ARSG: variants seen among roughly 807,000 people sequenced by gnomAD.
ARSG encodes arylsulfatase G, also known as ASG.
Under a neutral mutation model 50.5 loss-of-function variants are expected in ARSG, and 37 were observed. The observed-to-expected ratio is 0.73, with a 90% confidence interval of 0.56 to 0.96. ARSG has a LOEUF of 0.96. ARSG is among the 50% of genes least tolerant of loss of function. The pLI is 0.00. For missense variants in ARSG, 629 were observed against 675.3 expected (o/e 0.93, Z 0.76); for synonymous variants, 225 against 254.6 (o/e 0.88, Z 1.11).
intron 1 of ARSG, among the ~76,000 whole-genome samples, chr17:68,286,378 A>G (rs1482860902): frequency 2.0e-5 from 3 of 152,192 alleles, no homozygotes; most frequent in African/African-American, 7.2e-5. Flanking sequence ...TTTTTGTAAA[A>G]TCTTACTCAT....
At chr17:68,439,185 T>A in the ARSG span, among the ~76,000 whole-genome samples, 2 of 152,200 alleles carry the variant, frequency 1.3e-5, no homozygotes, top group Admixed American at 1.3e-4. Flanking sequence ...TGTATATGAA[T>A]GTTCATGGCA....
chr17:68,420,753 C>T lies in ARSG; in HGVS notation c.*290C>T, dbSNP rs887782167. On this transcript the variant is annotated 3_prime_UTR_variant, in exon 12 of 12. Transcript: ENST00000621439. ...TTTTGAACTTGGGCAATTGTTTAAC[C>T]TAACCTGCAAGTTGATTTTGAGGGT... The T allele has an allele frequency of 2.4e-6, 1 of 419,214 alleles. No homozygotes were observed. Among genetic ancestry groups the T allele is most frequent in the Non-Finnish European group, 4.3e-6 (1 of 234,394 alleles). The allele number at this position is 419,214 out of a possible 1,614,324, so 26.0% of individuals were successfully genotyped here. A position where few individuals can be genotyped will look rare whatever the true frequency, so the allele number is the denominator to read the frequency against.
At chr17:68,380,483 G>C (rs2080380513) in intron 8 of ARSG, among the ~76,000 whole-genome samples, 1 of 152,046 alleles carries the variant, frequency 6.6e-6, no homozygotes. Flanking sequence ...TGCCCAGTCT[G>C]GTCTCGGACT....
the ARSG span, chr17:68,434,755 A>T: frequency 1.2e-6 from 1 of 843,100 alleles, no homozygotes; most frequent in South Asian, 1.7e-5. Flanking sequence ...CACGTTGAGC[A>T]TAGAGGCATG....
At chr17:68,361,088 G>A (rs2146569010) in intron 6 of ARSG, among the ~76,000 whole-genome samples, 1 of 152,282 alleles carries the variant, frequency 6.6e-6, no homozygotes, top group African/African-American at 2.4e-5. Context: ...GCCTCCCAAA[G>A]TGCTGGGATT....
chr17:68,278,227 A>G, intron 1 of ARSG: 1 of 1,614,240 alleles, frequency 6.2e-7, no homozygotes, highest in Non-Finnish European at 8.5e-7. Flanking sequence ...TCAACGAAGA[A>G]AAATGAAACA....
chr17:68,330,978 CGGG>C (rs34615975), intron 2 of ARSG, among the ~76,000 whole-genome samples: 5 of 65,790 alleles, frequency 7.6e-5, no homozygotes, highest in Admixed American at 4.1e-4. Context: ...TTTTTTTTTG[CGGG>C]GGGGGGGGGA....
At chr17:68,418,623 A>G (rs1399032575) in intron 11 of ARSG, among the ~76,000 whole-genome samples, 1 of 152,204 alleles carries the variant, frequency 6.6e-6, no homozygotes, top group African/African-American at 2.4e-5. Flanking sequence ...CTTTGCCCCT[A>G]TAGACTTCCT....
chr17:68,401,085 A>G (rs2081449932), intron 10 of ARSG: 1 of 367,840 alleles, frequency 2.7e-6, no homozygotes. Flanking sequence ...GTGCAGTGGT[A>G]TGATCATAGC....
intron 2 of ARSG, among the ~76,000 whole-genome samples, chr17:68,333,558 G>A (rs1382496704): frequency 6.6e-6 from 1 of 151,748 alleles, no homozygotes; most frequent in South Asian, 2.1e-4. Context: ...AACTCGGGAG[G>A]TGGAGGTTGC....
At chr17:68,310,870 C>T (rs2076826072) in intron 2 of ARSG, among the ~76,000 whole-genome samples, 1 of 152,132 alleles carries the variant, frequency 6.6e-6, no homozygotes. Context: ...ATTTTTTAGC[C>T]CTAAGGATAA....
upstream of ARSG, among the ~76,000 whole-genome samples, chr17:68,288,128 T>C (rs1403256409): frequency 8.6e-5 from 13 of 151,530 alleles, no homozygotes; most frequent in African/African-American, 2.9e-4. Flanking sequence ...TCCTGAGTAG[T>C]TGGGATTAAA....
intron 5 of ARSG, 82 bp downstream of exon 5, chr17:68,351,768 G>A: frequency 1.1e-6 from 1 of 889,872 alleles, no homozygotes; most frequent in Admixed American, 1.8e-5. Flanking sequence ...ATAAATTAAA[G>A]ATGCAGACAG....
intron 7 of ARSG, 123 bp from the exon 8 acceptor site, chr17:68,370,321 G>A (rs1320773874): frequency 1.3e-6 from 1 of 787,884 alleles, no homozygotes; most frequent in African/African-American, 1.7e-5. Flanking sequence ...GCCCATGTTT[G>A]TCTTTATAAG....
At chr17:68,425,512 C>A (rs1396593901), downstream of ARSG, among the ~76,000 whole-genome samples, 1 of 151,744 alleles carries the variant, frequency 6.6e-6, no homozygotes, top group Non-Finnish European at 1.5e-5. Flanking sequence ...TGAGCCACCG[C>A]ACCCGGCCAC....
chr17:68,401,558 G>T, intron 11 of ARSG, 108 bp downstream of exon 11: 2 of 976,726 alleles, frequency 2.0e-6, no homozygotes, highest in Non-Finnish European at 3.0e-6. Context: ...TCCTTTGTGG[G>T]GGGTTCTCAG....
At chr17:68,353,970 G>A (rs1163366851) in intron 5 of ARSG, among the ~76,000 whole-genome samples, 1 of 150,868 alleles carries the variant, frequency 6.6e-6, no homozygotes, top group Non-Finnish European at 1.5e-5. Flanking sequence ...CCGAAATGCT[G>A]GGATTACAGG....
rs2080423291 is a variant in ARSG, at chr17:68,381,352, G to T, written c.983-3712G>T. On this transcript the variant is annotated intron_variant, in intron 8 of 11. Coordinates refer to ENST00000621439, the MANE Select transcript of ARSG (RefSeq NM_001267727.2). The surrounding 1 kb of genome is among the most constrained non-coding windows in gnomAD (Gnocchi z 4.1). The stretch of plus-strand genomic sequence containing the variant: ...AATATTTATTGCTTTAAGAGGTTCT[G>T]CTTTAATTAGAGTCACAAGTAACCA... Among the ~76,000 whole-genome samples, 1 of 152,160 alleles carries T rather than the reference G, an allele frequency of 6.6e-6. No homozygotes were observed. The highest frequency in any genetic ancestry group is 6.5e-5 in the Admixed American group (1 of 15,268).
At chr17:68,433,784 T>G in the ARSG span, among the ~76,000 whole-genome samples, 3 of 86,936 alleles carry the variant, frequency 3.5e-5, no homozygotes, top group East Asian at 4.9e-4. Context: ...TTTTTTTTTT[T>G]TTTTTTTTTT....
Sources: gnomAD v4.1 joint callset for allele counts (sites outside exome capture counted in the v4.1 genomes callset) on GRCh38, gnomAD v4.1.1 for gene constraint, Gnocchi (gnomAD v3.1) non-coding constraint, MANE v1.5 for transcripts, NCBI Gene and HGNC (gene_info 2026-07-23, HGNC 2026-07-21) for gene names.